THOC7: variants seen among roughly 807,000 people sequenced by gnomAD.
THOC7 encodes the protein THO complex subunit 7, also known as NIF3L1-binding protein 1.
Under a neutral mutation model 33.1 loss-of-function variants are expected in THOC7, and 22 were observed. The ratio of observed to expected loss-of-function variants is 0.66; its 90% confidence interval spans 0.47 to 0.95. THOC7 has a LOEUF of 0.95. Among genes scored for constraint, THOC7 ranks in the 40% least tolerant of loss-of-function variants. The probability of loss-of-function intolerance (pLI) is 0.00; values close to 1 mark genes in which losing one functional copy is unlikely to be tolerated. For synonymous variants in THOC7, 77 were observed against 76.8 expected, an observed-to-expected ratio of 1.00 and a Z score of -0.01; for missense variants, 184 against 245.3, an observed-to-expected ratio of 0.75 and a Z score of 1.67.
At chr3:63,843,824 C>T (rs1403190841) in intron 1 of THOC7, among the ~76,000 whole-genome samples, 1 of 151,952 alleles carries the variant, frequency 6.6e-6, no homozygotes. Flanking sequence ...TGGCGTGAAC[C>T]CGGGAGGCGG....
chr3:63,862,015 T>A (rs1165846441), intron 1 of THOC7, among the ~76,000 whole-genome samples: 1 of 152,134 alleles, frequency 6.6e-6, no homozygotes. Context: ...GGTCTTGAAC[T>A]TCTGAGCTCA....
At chr3:63,862,019 G>C (rs758080533) in intron 1 of THOC7, among the ~76,000 whole-genome samples, 1 of 151,954 alleles carries the variant, frequency 6.6e-6, no homozygotes, top group Non-Finnish European at 1.5e-5. Context: ...TTGAACTTCT[G>C]AGCTCAAGAG....
chr3:63,837,254 AC>A (rs1455026918), intron 4 of THOC7, among the ~76,000 whole-genome samples: 1 of 151,892 alleles, frequency 6.6e-6, no homozygotes, highest in Non-Finnish European at 1.5e-5. Flanking sequence ...AGCCATAAAA[AC>A]CCACAACTTC....
chr3:63,854,012 G>A (rs1200399908), intron 1 of THOC7, among the ~76,000 whole-genome samples: 2 of 152,064 alleles, frequency 1.3e-5, no homozygotes, highest in Admixed American at 1.3e-4. Context: ...ATACATATTA[G>A]GCATTTATGC....
intron 4 of THOC7, among the ~76,000 whole-genome samples, chr3:63,837,232 G>A (rs891381032): frequency 6.6e-6 from 1 of 151,642 alleles, no homozygotes; most frequent in Non-Finnish European, 1.5e-5. Context: ...CAAAAACAGA[G>A]AAAAGAACCT....
At chr3:63,835,257 C>A (rs1701605876) in intron 6 of THOC7, 34 bp from the exon 7 acceptor site, 1 of 1,611,608 alleles carries the variant, frequency 6.2e-7, no homozygotes. Context: ...ATACAAATGA[C>A]CTGTATATAT....
intron 1 of THOC7, among the ~76,000 whole-genome samples, chr3:63,842,639 G>A (rs1375454548): frequency 6.6e-6 from 1 of 152,150 alleles, no homozygotes; most frequent in Non-Finnish European, 1.5e-5. Flanking sequence ...ATAAGTGGGA[G>A]CTAAGCTATG....
chr3:63,841,665 GTTTTAA>G (rs1437160065), intron 1 of THOC7, among the ~76,000 whole-genome samples: 1 of 152,088 alleles, frequency 6.6e-6, no homozygotes, highest in Non-Finnish European at 1.5e-5. Flanking sequence ...TTCATCAAGT[GTTTTAA>G]TTTTATATTT....
intron 4 of THOC7, 34 bp downstream of exon 4, chr3:63,837,942 T>G (rs768857607): frequency 6.4e-7 from 1 of 1,572,552 alleles, no homozygotes; most frequent in East Asian, 2.3e-5. Flanking sequence ...TCAGTAATAA[T>G]GTATTTGCAC....
chr3:63,847,117 C>G (rs1458221986), intron 1 of THOC7, among the ~76,000 whole-genome samples: 3 of 152,028 alleles, frequency 2.0e-5, no homozygotes, highest in Admixed American at 6.6e-5. Context: ...GTGCAAATAA[C>G]CAGGACATTG....
upstream of THOC7, chr3:63,863,818 G>A (rs1251857632): frequency 5.9e-6 from 7 of 1,178,220 alleles, no homozygotes; most frequent in Non-Finnish European, 7.4e-6. Flanking sequence ...CGGCGGCGGC[G>A]GCGGCGCAAG....
At chr3:63,862,838 C>A (rs1301386649) in intron 1 of THOC7, among the ~76,000 whole-genome samples, 1 of 152,120 alleles carries the variant, frequency 6.6e-6, no homozygotes, top group Non-Finnish European at 1.5e-5. Flanking sequence ...TAGGTTCTCC[C>A]TCCAGTTGCC....
At chr3:63,863,413 C>G in intron 1 of THOC7, 1 of 1,073,380 alleles carries the variant, frequency 9.3e-7, no homozygotes, top group Non-Finnish European at 1.1e-6. Context: ...CAAACCCGGA[C>G]TCCCTCTGGT....
intron 1 of THOC7, among the ~76,000 whole-genome samples, chr3:63,862,895 C>G (rs1054872653): frequency 6.6e-6 from 1 of 152,110 alleles, no homozygotes; most frequent in South Asian, 2.1e-4. Flanking sequence ...CGCTCTCAGT[C>G]CATAGACCAT....
chr3:63,843,694 A>G (rs890461615), intron 1 of THOC7, among the ~76,000 whole-genome samples: 3 of 152,048 alleles, frequency 2.0e-5, no homozygotes. Context: ...AGGTCAGGAG[A>G]TCGAGACCAT....
At chr3:63,845,225 T>C (rs1363311060) in intron 1 of THOC7, 1 of 474,856 alleles carries the variant, frequency 2.1e-6, no homozygotes, top group Non-Finnish European at 3.8e-6. Flanking sequence ...GTATCAAGAT[T>C]AGTTTGTGCT....
chr3:63,839,458 C>A (rs1372659731), intron 2 of THOC7, among the ~76,000 whole-genome samples, 198 bp downstream of exon 2: 2 of 152,144 alleles, frequency 1.3e-5, no homozygotes, highest in Admixed American at 1.3e-4. Flanking sequence ...ACCAATCTGC[C>A]TTCTCCATGT....
intron 1 of THOC7, among the ~76,000 whole-genome samples, chr3:63,850,393 G>A (rs1233491948): frequency 6.6e-6 from 1 of 151,100 alleles, no homozygotes; most frequent in African/African-American, 2.4e-5. Context: ...GAGAGTCAGG[G>A]TTTCACCATT....
At chr3:63,853,184 A>C (rs1702050716) in intron 1 of THOC7, among the ~76,000 whole-genome samples, 2 of 151,438 alleles carry the variant, frequency 1.3e-5, no homozygotes, top group Admixed American at 1.3e-4. Context: ...AAAGAATCAC[A>C]GGTCCTAGAA....
Sources: gnomAD v4.1 joint callset for allele counts (sites outside exome capture counted in the v4.1 genomes callset) on GRCh38, gnomAD v4.1.1 for gene constraint, MANE v1.5 for transcripts, NCBI Gene and HGNC (gene_info 2026-07-23, HGNC 2026-07-21) for gene names.